The following TCP1 variants were observed in gnomAD, a reference collection of about 807,000 sequenced individuals.
TCP1 encodes the protein T-complex protein 1 subunit alpha.
Under a neutral mutation model 54.7 loss-of-function variants are expected in TCP1, and 6 were observed. The observed-to-expected ratio is 0.11, with a 90% CI of 0.06 to 0.22. The LOEUF (loss-of-function observed/expected upper bound fraction) is 0.22, where lower values mean the gene tolerates loss of function less well. Among genes scored for constraint, TCP1 ranks in the 10% least tolerant of loss-of-function variants. TCP1 has a pLI of 1.00. For missense variants in TCP1, 511 were observed against 678.2 expected, an observed-to-expected ratio of 0.75 and a Z score of 2.74; for synonymous variants, 225 against 229.7, an observed-to-expected ratio of 0.98 and a Z score of 0.19.
At chr6:159,788,029 A>G in intron 2 of TCP1, 29 bp downstream of exon 2, 1 of 1,612,038 alleles carries the variant, frequency 6.2e-7, no homozygotes, top group Middle Eastern at 1.7e-4. Context: ...TACTTTAAGG[A>G]AACTAACACA....
In TCP1 at chr6:159,779,771, G is replaced by A. The variant is rs1438287583; in HGVS notation, c.1310C>T (p.Ala437Val). The A allele has an allele frequency of 3.1e-6, 5 of 1,602,706 alleles. No individual in the cohort carries two copies. The highest frequency in any genetic ancestry group is 3.4e-6 in the Non-Finnish European group (4 of 1,177,084). The change falls in exon 11 of 12, where the codon GCG (alanine) becomes GTG (valine). Residue 437 changes from alanine to valine, a missense_variant. Coordinates refer to ENST00000321394, the MANE Select transcript of TCP1 (RefSeq NM_030752.3). Reference sequence around the variant, plus strand: ...AAGTGATCTTGCAAACTCTGCAATCGCAAGCTGTTCCCGAGACCCCTAGGA... The same window carrying A: ...AAGTGATCTTGCAAACTCTGCAATCACAAGCTGTTCCCGAGACCCCTAGGA... ...ATSMGSREQL[A>V]IAEFARSLLV...
intron 9 of TCP1, 129 bp downstream of exon 9, chr6:159,780,314 G>A (rs761798035): frequency 2.8e-6 from 4 of 1,429,020 alleles, no homozygotes; most frequent in Non-Finnish European, 3.9e-6. Context: ...GTGGCCCAAT[G>A]TTATTTTATC....
At position 159,779,095 on chromosome 6, in the gene TCP1, TATC is replaced by T. The variant is rs1460359205; in HGVS notation, c.1618_1620del (p.Asp540del). The T allele has an allele frequency of 6.2e-7, 1 of 1,614,014 alleles. No individual in the cohort carries two copies. Among genetic ancestry groups the T allele is most frequent in the Non-Finnish European group, 8.5e-7 (1 of 1,179,982 alleles). ...ACAGCATCTTCATAACTTCCATGTT[TATC>T]ATCTTTACTTTCTGGATGTAATTTA... On this transcript the variant is annotated inframe_deletion, in exon 12 of 12. Transcript: ENST00000321394.
At chr6:159,783,041 T>G (rs1038044861) in intron 7 of TCP1, among the ~76,000 whole-genome samples, 1 of 152,194 alleles carries the variant, frequency 6.6e-6, no homozygotes, top group African/African-American at 2.4e-5. Context: ...AAACCACTCA[T>G]GACATCTGCC....
intron 3 of TCP1, among the ~76,000 whole-genome samples, chr6:159,787,078 T>TAAAGAAA (rs1554269420): frequency 1.0e-4 from 14 of 133,620 alleles, no homozygotes; most frequent in South Asian, 9.9e-4. Context: ...CCCTGTCTCT[T>TAAAGAAA]AAAAAAAAAA....
At chr6:159,786,044 T>C (rs369902488) in intron 3 of TCP1, 47 bp from the exon 4 acceptor site, 52 of 1,448,316 alleles carry the variant, frequency 3.6e-5, no homozygotes, top group Non-Finnish European at 4.9e-5. Flanking sequence ...ATATTCAACA[T>C]GTGCAATACA....
At chr6:159,781,643 G>GC (rs1419849394) in intron 7 of TCP1, among the ~76,000 whole-genome samples, 3 of 152,050 alleles carry the variant, frequency 2.0e-5, no homozygotes, top group Non-Finnish European at 2.9e-5. Flanking sequence ...CTGGTGGTGG[G>GC]CGCCTGTAAT....
chr6:159,789,266 G>A (rs1780787796), intron 1 of TCP1, 139 bp downstream of exon 1: 2 of 925,474 alleles, frequency 2.2e-6, no homozygotes, highest in Non-Finnish European at 3.2e-6. Flanking sequence ...AGAACGGCGG[G>A]TGGGCTGGGT....
intron 1 of TCP1, 66 bp from the exon 2 acceptor site, chr6:159,788,209 T>A: frequency 6.7e-7 from 1 of 1,491,450 alleles, no homozygotes; most frequent in South Asian, 1.1e-5. Context: ...AGACAGTAAT[T>A]TCAGCCTAAA....
intron 6 of TCP1, 101 bp downstream of exon 6, chr6:159,784,565 A>G: frequency 3.9e-6 from 5 of 1,272,844 alleles, no homozygotes; most frequent in Non-Finnish European, 5.4e-6. Flanking sequence ...CAGCCTCCCA[A>G]AGTGCTGGGA....
At position 159,780,086 on chromosome 6, in the gene TCP1, T is replaced by C. The variant is rs1250690341; in HGVS notation, c.1099A>G (p.Thr367Ala). The change falls in exon 10 of 12, where the codon ACT becomes GCT. Residue 367 changes from threonine to alanine, a missense_variant and splice_region_variant. By Grantham distance (58) the Thr-to-Ala change is moderately conservative. Transcript: ENST00000321394. The stretch of plus-strand genomic sequence containing the variant: ...ATCGATGCAGACGTACGAGCCTTAG[T>C]ACTGTTCAAAACAAAAGTACAATTC... ...CDDELILIKNTKARTSASIIL... is the reference protein window; with the variant it reads ...CDDELILIKNAKARTSASIIL... 6.2e-7 allele frequency: 1 copy of C among 1,609,814 alleles called. No homozygotes were observed. Among genetic ancestry groups the C allele is most frequent in the South Asian group, 1.1e-5 (1 of 90,034 alleles).
chr6:159,784,602 C>G (rs1327051194), intron 6 of TCP1, 64 bp downstream of exon 6: 1 of 1,555,716 alleles, frequency 6.4e-7, no homozygotes, highest in Non-Finnish European at 8.7e-7. Context: ...CCGCGCCCAG[C>G]CAAAAGAAAA....
chr6:159,780,851 C>T, intron 8 of TCP1, 84 bp downstream of exon 8: 1 of 1,451,368 alleles, frequency 6.9e-7, no homozygotes, highest in Non-Finnish European at 9.2e-7. Flanking sequence ...GAGCTGTTTT[C>T]TGTCAATATT....
At chr6:159,783,070 G>T (rs575396503) in intron 7 of TCP1, among the ~76,000 whole-genome samples, 27 of 152,006 alleles carry the variant, frequency 1.8e-4, no homozygotes, top group Non-Finnish European at 3.5e-4. Flanking sequence ...TGTACGATAG[G>T]GAGTACCTAT....
chr6:159,786,074 G>A (rs1317003152), intron 3 of TCP1, 77 bp from the exon 4 acceptor site: 2 of 1,180,930 alleles, frequency 1.7e-6, no homozygotes, highest in African/African-American at 1.5e-5. Flanking sequence ...ACACTAAAAT[G>A]GCCATATATT....
chr6:159,787,976 A>T, intron 2 of TCP1, 82 bp downstream of exon 2: 2 of 1,606,698 alleles, frequency 1.2e-6, no homozygotes, highest in Non-Finnish European at 1.7e-6. Context: ...GTGGATTCTG[A>T]TAAAGTCAAA....
At chr6:159,784,311 T>A (rs552927440) in intron 6 of TCP1, among the ~76,000 whole-genome samples, 169 of 151,756 alleles carry the variant, frequency 1.1e-3, no homozygotes, top group Middle Eastern at 3.4e-3. Context: ...TTTTTTATTT[T>A]TTTTTTTTTT....
At chr6:159,787,972 T>C in intron 2 of TCP1, 86 bp downstream of exon 2, 1 of 1,604,860 alleles carries the variant, frequency 6.2e-7, no homozygotes, top group Non-Finnish European at 8.5e-7. Flanking sequence ...GTACGTGGAT[T>C]CTGATAAAGT....
Position 159,780,024 on chromosome 6 carries a change from C to A in TCP1, c.1161G>T (p.Glu387Asp). The A allele has an allele frequency of 1.2e-6, 2 of 1,614,130 alleles. No homozygotes were observed. Among genetic ancestry groups the A allele is most frequent in the Non-Finnish European group, 1.7e-6 (2 of 1,180,014 alleles). ...LRGANDFMCD[E>D]MERSLHDALC... The stretch of plus-strand genomic sequence containing the variant: ...GTGCATCATGTAAAGAGCGCTCCAT[C>A]TCATCACACATGAAATCATTTGCCC... The change falls in exon 10 of 12, where the codon GAG becomes GAT. Residue 387 changes from glutamate (E) to aspartate (D), a missense_variant. Transcript: ENST00000321394.
Sources: gnomAD v4.1 joint callset for allele counts (sites outside exome capture counted in the v4.1 genomes callset) on GRCh38, gnomAD v4.1.1 for gene constraint, MANE v1.5 for transcripts, NCBI Gene and HGNC (gene_info 2026-07-23, HGNC 2026-07-21) for gene names.